The following DHRS7 variants were observed in gnomAD, a reference collection of about 807,000 sequenced individuals.
DHRS7 encodes dehydrogenase/reductase SDR family member 7.
In DHRS7, 34 loss-of-function variants were observed where a neutral mutation model predicts 38.9. That is an observed-to-expected ratio of 0.87 (90% CI 0.66 to 1.16). The LOEUF is 1.16. DHRS7 is among the 50% of genes most tolerant of loss of function. The probability of loss-of-function intolerance (pLI) is 0.00; values close to 1 mark genes in which losing one functional copy is unlikely to be tolerated. For missense variants in DHRS7, 421 were observed against 407.0 expected, an observed-to-expected ratio of 1.03 and a Z score of -0.30; for synonymous variants, 158 against 153.1, an observed-to-expected ratio of 1.03 and a Z score of -0.24.
At chr14:60,155,975 C>A in intron 2 of DHRS7, 25 bp downstream of exon 2, 1 of 1,496,910 alleles carries the variant, frequency 6.7e-7, no homozygotes, top group South Asian at 1.3e-5. Context: ...CTAGGAAGCA[C>A]CGCTGCTATT....
chr14:60,169,161 A>G (rs12884990), upstream of DHRS7: 2 of 146,400 alleles, frequency 1.4e-5, no homozygotes, highest in African/African-American at 5.0e-5. Flanking sequence ...AAAAAAAAAA[A>G]CCATTGCACC....
At position 60,145,184 on chromosome 14, in the gene DHRS7, C is replaced by T. The variant is rs373786; in HGVS notation, c.973-171G>A. The T allele has an allele frequency of 0.21, 99,785 of 484,028 alleles. 14,112 individuals are homozygous for T. Among genetic ancestry groups the T allele is most frequent in the African/African-American group, 0.51 (25,211 of 49,256 alleles). 30.0% of individuals were successfully genotyped at this position (484,028 alleles called of 1,614,324 possible). A position where few individuals can be genotyped will look rare whatever the true frequency, so the allele number is the denominator to read the frequency against. On this transcript the variant is annotated intron_variant, in intron 6 of 6. Coordinates refer to ENST00000557185, the MANE Select transcript of DHRS7 (RefSeq NM_016029.4). The surrounding 1 kb of genome is among the most constrained non-coding windows in gnomAD (Gnocchi z 4.0). ...GAATTTAAAAATCATAGCCAAAATT[C>T]TAGATGTACACAAAAGTACTTCTAA...
upstream of DHRS7, chr14:60,168,542 T>C (rs2140623002): frequency 2.1e-6 from 2 of 961,488 alleles, no homozygotes; most frequent in South Asian, 1.9e-5. Context: ...GTCTGTTCCA[T>C]CTTTGCAACT....
At chr14:60,157,654 T>G (rs767580937) in intron 1 of DHRS7, among the ~76,000 whole-genome samples, 5 of 152,182 alleles carry the variant, frequency 3.3e-5, no homozygotes, top group Admixed American at 1.3e-4. Context: ...CACTAGACCA[T>G]AGATTCCATT....
Position 60,148,588 on chromosome 14 carries a change from G to A in DHRS7, c.972+765C>T, listed in dbSNP as rs145614799. On this transcript the variant is annotated intron_variant, in intron 6 of 6. Transcript: ENST00000557185. The surrounding 1 kb of genome is among the most constrained non-coding windows in gnomAD (Gnocchi z 4.8). ...ACATCTTAGATGTGCTGAGTACTTC[G>A]GGAATGAGGTAAAACTGCATGCATC... is the stretch of plus-strand genomic sequence containing the variant. 1.8e-4 allele frequency among the ~76,000 whole-genome samples: 28 copies of A among 152,208 alleles called. No homozygotes were observed. Among genetic ancestry groups the A allele is most frequent in the African/African-American group, 6.3e-4 (26 of 41,538 alleles).
chr14:60,152,577 A>G (rs986620660), intron 4 of DHRS7: 1 of 217,712 alleles, frequency 4.6e-6, no homozygotes, highest in Non-Finnish European at 9.3e-6. Context: ...GGAGAAGTGG[A>G]CCCCCAATTT....
In DHRS7 at chr14:60,144,753, C is replaced by G; in HGVS notation, c.*213G>C. The G allele has an allele frequency of 2.0e-6, 1 of 501,852 alleles. No individual in the cohort carries two copies. Among genetic ancestry groups the G allele is most frequent in the Non-Finnish European group, 3.5e-6 (1 of 289,254 alleles). The allele number at this position is 501,852 out of a possible 1,614,324, so 31.1% of individuals were successfully genotyped here. ...AAGTATTTTAAAAGGTTATTTTATC[C>G]AAGAATATAGTATGAGTTAATACCT... On this transcript the variant is annotated 3_prime_UTR_variant, in exon 7 of 7. Transcript: ENST00000557185.
upstream of DHRS7, chr14:60,165,578 G>C (rs1896856799): frequency 7.2e-6 from 9 of 1,244,020 alleles, no homozygotes; most frequent in Non-Finnish European, 9.0e-6. This position sits in a 1 kb window ranked among gnomAD's most constrained non-coding sequence, Gnocchi z 4.6. Flanking sequence ...TCCGAGACCA[G>C]CCTGGGCAAC....
chr14:60,161,037 G>A lies in DHRS7; in HGVS notation c.133+4140C>T, dbSNP rs1215580875. Among the ~76,000 whole-genome samples, 1 of 152,168 alleles carries A rather than the reference G, an allele frequency of 6.6e-6. No homozygotes were observed. Among genetic ancestry groups the A allele is most frequent in the Non-Finnish European group, 1.5e-5 (1 of 68,032 alleles). ...AGAACTGTGAAAAATGGGAGTTTCA[G>A]ATGTACACTTATTGATAATCTTGCT... On this transcript the variant is annotated intron_variant, in intron 1 of 6. Transcript: ENST00000557185. The surrounding 1 kb of genome is among the most constrained non-coding windows in gnomAD (Gnocchi z 4.2).
intron 1 of DHRS7, among the ~76,000 whole-genome samples, chr14:60,159,618 T>C (rs188492993): frequency 3.2e-4 from 49 of 151,960 alleles, no homozygotes; most frequent in Non-Finnish European, 6.5e-4. Flanking sequence ...GGTTTAGCCC[T>C]GTCTTTTATT....
intron 6 of DHRS7, chr14:60,149,129 T>C: frequency 1.9e-6 from 1 of 516,990 alleles, no homozygotes; most frequent in Non-Finnish European, 3.5e-6. Flanking sequence ...TGCACCACCA[T>C]GCCCAGCTAC....
At chr14:60,149,221 GGCC>G (rs1188759198) in intron 6 of DHRS7, 129 bp downstream of exon 6, 1 of 793,924 alleles carries the variant, frequency 1.3e-6, no homozygotes, top group Non-Finnish European at 2.1e-6. Context: ...GATCTGCCTT[GGCC>G]TCCCAAAGTG....
In DHRS7 at chr14:60,153,282, T is replaced by G; in HGVS notation, c.394-104A>C. On this transcript the variant is annotated intron_variant, in intron 3 of 6. Transcript: ENST00000557185. The surrounding 1 kb of genome is among the most constrained non-coding windows in gnomAD (Gnocchi z 4.4). ...TTATTTTGTTAACTTAAAGAATCAA[T>G]GGAACAATGGTATATTTCCAGAAGT... is the stretch of plus-strand genomic sequence containing the variant. 2.3e-6 allele frequency: 3 copies of G among 1,278,618 alleles called. No homozygotes were observed. In the South Asian group the frequency reaches 4.2e-5, roughly 18 times the overall value. The allele number at this position is 1,278,618 out of a possible 1,614,324, so 79.2% of individuals were successfully genotyped here.
rs770334453 is a variant in DHRS7 at position 60,144,850 on chromosome 14, T to C, written c.*116A>G. ...ATTCCATGTTGGAAGCAAAGTCATATCTATTAAAAAGTAAAATCACAAATT... is the reference window on the plus strand; with the variant it reads ...ATTCCATGTTGGAAGCAAAGTCATACCTATTAAAAAGTAAAATCACAAATT... On this transcript the variant is annotated 3_prime_UTR_variant, in exon 7 of 7. Transcript: ENST00000557185. The C allele has an allele frequency of 5.8e-6, 5 of 862,058 alleles. No individual in the cohort carries two copies. The highest frequency in any genetic ancestry group is 4.1e-5 in the Admixed American group (2 of 49,016). 53.4% of individuals were successfully genotyped at this position (862,058 alleles called of 1,614,324 possible). A position where few individuals can be genotyped will look rare whatever the true frequency, so the allele number is the denominator to read the frequency against.
chr14:60,152,114 T>C (rs925917637), intron 4 of DHRS7, among the ~76,000 whole-genome samples: 3 of 152,236 alleles, frequency 2.0e-5, no homozygotes, highest in Non-Finnish European at 2.9e-5. Flanking sequence ...CATGAAACCA[T>C]GATGACCATG....
chr14:60,149,387 C>T lies in DHRS7; in HGVS notation c.938G>A (p.Gly313Glu), dbSNP rs1404451987. ...CTTAAAGTTCTCAATCCTTTTCTTC[C>T]CCATCTTGTTGGTTATCCACCAGGC... is the stretch of plus-strand genomic sequence containing the variant. ...TWAWWITNKM[G>E]KKRIENFKSG... Residue 313 changes from glycine (G) to glutamate (E), a missense_variant, in exon 6 of 7, where the codon GGG becomes GAG. Gly to Glu is a moderately conservative substitution (Grantham distance 98). Transcript: ENST00000557185. 2.5e-6 allele frequency: 4 copies of T among 1,614,142 alleles called. No homozygotes were observed. In the South Asian group the frequency reaches 3.3e-5, roughly 13 times the overall value.
chr14:60,168,686 C>G (rs1409764485), upstream of DHRS7: 3 of 1,554,344 alleles, frequency 1.9e-6, no homozygotes, highest in Admixed American at 5.8e-5. Context: ...TTTCTCCCCT[C>G]TCCAGCCAGG....
Position 60,144,898 on chromosome 14 carries a change from TAAG to T in DHRS7, c.*65_*67del. On this transcript the variant is annotated 3_prime_UTR_variant, in exon 7 of 7. Coordinates refer to ENST00000557185, the MANE Select transcript of DHRS7 (RefSeq NM_016029.4). ...ATTAGTCTTTGATTATTCAGAAGCA[TAAG>T]AAGATTGCTGTTTTCATGTTTTCCA... The T allele has an allele frequency of 7.8e-7, 1 of 1,289,392 alleles. No individual in the cohort carries two copies. Among genetic ancestry groups the T allele is most frequent in the South Asian group, 1.2e-5 (1 of 82,442 alleles). 79.9% of individuals were successfully genotyped at this position (1,289,392 alleles called of 1,614,324 possible).
In DHRS7 at chr14:60,144,321, G is replaced by A. The variant is rs1404114061; in HGVS notation, c.*645C>T. 1.3e-5 allele frequency: 2 copies of A among 152,350 alleles called. No individual in the cohort carries two copies. Among genetic ancestry groups the A allele is most frequent in the African/African-American group, 4.8e-5 (2 of 41,444 alleles). The allele number at this position is 152,350 out of a possible 1,614,324, so 9.4% of individuals were successfully genotyped here. A position where few individuals can be genotyped will look rare whatever the true frequency, so the allele number is the denominator to read the frequency against. On this transcript the variant is annotated 3_prime_UTR_variant, in exon 7 of 7. Transcript: ENST00000557185. Reference sequence around the variant, plus strand: ...GTGAAATATTCTATACATTTATGTTGCTATGGTTTGGATGTTTTTGTCCCC... The same window carrying A: ...GTGAAATATTCTATACATTTATGTTACTATGGTTTGGATGTTTTTGTCCCC...
Sources: gnomAD v4.1 joint callset for allele counts (sites outside exome capture counted in the v4.1 genomes callset) on GRCh38, gnomAD v4.1.1 for gene constraint, Gnocchi (gnomAD v3.1) non-coding constraint, MANE v1.5 for transcripts, NCBI Gene and HGNC (gene_info 2026-07-23, HGNC 2026-07-21) for gene names.